The following CDH13 variants were observed in gnomAD, a reference collection of about 807,000 sequenced individuals.
CDH13 encodes the protein cadherin 13.
In CDH13, 24 loss-of-function variants were observed where a neutral mutation model predicts 63.8. The observed-to-expected ratio is 0.38, with a 90% CI of 0.27 to 0.53. CDH13 has a LOEUF of 0.53. CDH13 is among the 20% of genes least tolerant of loss of function. The pLI, the probability that CDH13 is intolerant of heterozygous loss-of-function variation, is 0.85. For missense variants in CDH13, 1,049 were observed against 903.1 expected (o/e 1.16, Z -2.07); for synonymous variants, 503 against 355.3 (o/e 1.42, Z -4.67).
At chr16:83,134,052 G>A (rs185579333) in intron 4 of CDH13, among the ~76,000 whole-genome samples, 4 of 152,256 alleles carry the variant, frequency 2.6e-5, no homozygotes, top group Admixed American at 1.3e-4. Flanking sequence ...CTGCTTTGTT[G>A]TTAGAATGGA....
At chr16:83,574,228 T>A (rs928943371) in intron 7 of CDH13, among the ~76,000 whole-genome samples, 26 of 152,224 alleles carry the variant, frequency 1.7e-4, no homozygotes, top group African/African-American at 6.3e-4. Flanking sequence ...TCATTATTTT[T>A]TGTCTCAGTG....
intron 1 of CDH13, chr16:82,773,512 A>G (rs936158152): frequency 6.6e-6 from 1 of 152,256 alleles, no homozygotes; most frequent in African/African-American, 2.4e-5. Context: ...GTTTCCTTTG[A>G]ACATTAGGTA....
chr16:82,721,550 C>T (rs2032771751), intron 1 of CDH13, among the ~76,000 whole-genome samples: 1 of 152,082 alleles, frequency 6.6e-6, no homozygotes, highest in Non-Finnish European at 1.5e-5. Flanking sequence ...AAGAAAGGTA[C>T]TCCAGGTAGA....
intron 1 of CDH13, among the ~76,000 whole-genome samples, chr16:82,802,550 A>T (rs1319688506): frequency 6.6e-6 from 1 of 152,172 alleles, no homozygotes; most frequent in African/African-American, 2.4e-5. Context: ...CTCTCCCTGC[A>T]GAAGCATGTG....
intron 2 of CDH13, among the ~76,000 whole-genome samples, chr16:82,913,996 G>T (rs1489794929): frequency 6.6e-6 from 1 of 152,160 alleles, no homozygotes; most frequent in African/African-American, 2.4e-5. Context: ...AAATCTGGCA[G>T]AAGAGAATTT....
chr16:83,676,125 A>G (rs1447578675), intron 9 of CDH13, among the ~76,000 whole-genome samples: 2 of 152,300 alleles, frequency 1.3e-5, no homozygotes, highest in East Asian at 1.9e-4. Flanking sequence ...AAAAACAACC[A>G]GTTGTCCCCA....
Position 83,014,766 on chromosome 16 carries a change from A to ATG in CDH13, c.158-17243_158-17242insGT, listed in dbSNP as rs1567745657. Among the ~76,000 whole-genome samples the ATG allele has an allele frequency of 1.4e-3, 74 of 51,444 alleles. 1 individual carries two copies. Among genetic ancestry groups the ATG allele is most frequent in the Non-Finnish European group, 2.0e-3 (51 of 25,734 alleles). 33.7% of individuals were successfully genotyped at this position (51,444 alleles called of 152,430 possible). ...AAAATATATATATATATATATATAT[A>ATG]TATATATATGTATATATATATATTT... On this transcript the variant is annotated intron_variant, in intron 2 of 13. Coordinates refer to ENST00000567109, the MANE Select transcript of CDH13 (RefSeq NM_001257.5).
chr16:82,756,101 A>G (rs1411665206), intron 1 of CDH13, among the ~76,000 whole-genome samples: 2 of 152,196 alleles, frequency 1.3e-5, no homozygotes, highest in Non-Finnish European at 2.9e-5. Flanking sequence ...TAAAATGTTC[A>G]ATGTGTAAAC....
chr16:83,782,630 G>T (rs1426385588), intron 12 of CDH13, among the ~76,000 whole-genome samples: 1 of 151,748 alleles, frequency 6.6e-6, no homozygotes, highest in Non-Finnish European at 1.5e-5. Flanking sequence ...CAGCTACTCG[G>T]GAGGCTAAGG....
At chr16:82,722,817 G>T (rs2151024009) in intron 1 of CDH13, among the ~76,000 whole-genome samples, 1 of 152,234 alleles carries the variant, frequency 6.6e-6, no homozygotes, top group Admixed American at 6.5e-5. Context: ...ATACATATAA[G>T]CCTTTTTCAC....
At chr16:83,225,050 T>A (rs1045293816) in intron 5 of CDH13, among the ~76,000 whole-genome samples, 1 of 152,138 alleles carries the variant, frequency 6.6e-6, no homozygotes, top group African/African-American at 2.4e-5. Context: ...TGGGAACTTG[T>A]TAGAGATGTA....
At chr16:83,192,837 A>G (rs185221507) in intron 4 of CDH13, among the ~76,000 whole-genome samples, 3 of 152,004 alleles carry the variant, frequency 2.0e-5, no homozygotes, top group Non-Finnish European at 2.9e-5. Flanking sequence ...GGCCATTGCA[A>G]TCGACTCGGG....
At chr16:82,977,765 G>A (rs1211114263) in intron 2 of CDH13, among the ~76,000 whole-genome samples, 1 of 152,202 alleles carries the variant, frequency 6.6e-6, no homozygotes, top group Non-Finnish European at 1.5e-5. Flanking sequence ...ATGTGGAAGT[G>A]ACTTTGGAAC....
At chr16:83,504,607 C>T (rs957013469) in intron 7 of CDH13, among the ~76,000 whole-genome samples, 9 of 152,126 alleles carry the variant, frequency 5.9e-5, no homozygotes, top group Admixed American at 5.9e-4. Flanking sequence ...ACTCCGGGTG[C>T]TGTGCCCATT....
intron 1 of CDH13, among the ~76,000 whole-genome samples, chr16:82,693,063 C>T (rs1435289298): frequency 6.6e-6 from 1 of 152,128 alleles, no homozygotes; most frequent in Non-Finnish European, 1.5e-5. Flanking sequence ...TAGCAAGGAG[C>T]TGGGGGTGGC....
rs1446070187 is a variant in CDH13, at chr16:83,556,379, C to T, written c.961-46075C>T. Among the ~76,000 whole-genome samples, 6 of 152,268 alleles carry T rather than the reference C, an allele frequency of 3.9e-5. No homozygotes were observed. The East Asian group carries it at 7.7e-4, about 20-fold the overall frequency. The stretch of plus-strand genomic sequence containing the variant: ...GGTTAAATGCCTTGTCTAAATCCAC[C>T]ACAGTCCTCAGCATCATCATGAACA... On this transcript the variant is annotated intron_variant, in intron 7 of 13. Coordinates refer to ENST00000567109, the MANE Select transcript of CDH13 (RefSeq NM_001257.5).
intron 3 of CDH13, among the ~76,000 whole-genome samples, chr16:83,096,569 C>T (rs1170769996): frequency 6.6e-6 from 1 of 152,190 alleles, no homozygotes; most frequent in South Asian, 2.1e-4. Flanking sequence ...TTTCAATTCT[C>T]AGGACTGAGT....
chr16:82,697,580 C>T (rs982662527), intron 1 of CDH13, among the ~76,000 whole-genome samples: 2 of 151,788 alleles, frequency 1.3e-5, no homozygotes, highest in African/African-American at 4.8e-5. Flanking sequence ...AGGTGCCCGC[C>T]ACTATGCCCA....
intron 11 of CDH13, among the ~76,000 whole-genome samples, chr16:83,756,067 G>A (rs1037093855): frequency 2.6e-5 from 4 of 152,100 alleles, no homozygotes; most frequent in Non-Finnish European, 5.9e-5. Context: ...ACTCTAATAA[G>A]TCAAGTATCT....
Sources: allele counts gnomAD v4.1 joint callset (sites outside exome capture counted in the v4.1 genomes callset), GRCh38; gene constraint gnomAD v4.1.1; transcripts MANE v1.5; gene names NCBI Gene and HGNC (gene_info 2026-07-23, HGNC 2026-07-21).